TMEFF2: variants seen among roughly 807,000 people sequenced by gnomAD.
TMEFF2 encodes the protein transmembrane protein with EGF like and two follistatin like domains 2.
Under a neutral mutation model 53.8 loss-of-function variants are expected in TMEFF2, and 28 were observed. That is an observed-to-expected ratio of 0.52 (90% CI 0.39 to 0.71). TMEFF2 has a LOEUF of 0.71. Among genes scored for constraint, TMEFF2 ranks in the 30% least tolerant of loss-of-function variants. The pLI, the probability that TMEFF2 is intolerant of heterozygous loss-of-function variation, is 0.00. For synonymous variants in TMEFF2, 162 were observed against 166.3 expected, an observed-to-expected ratio of 0.97 and a Z score of 0.20; for missense variants, 353 against 455.2, an observed-to-expected ratio of 0.78 and a Z score of 2.04.
intron 4 of TMEFF2, among the ~76,000 whole-genome samples, chr2:192,105,204 A>G (rs934914749): frequency 6.6e-6 from 1 of 152,060 alleles, no homozygotes; most frequent in Non-Finnish European, 1.5e-5. Flanking sequence ...TGTTCATGAG[A>G]TAGAGAGGTT....
At chr2:192,161,480 T>C (rs1267248184) in intron 4 of TMEFF2, among the ~76,000 whole-genome samples, 1 of 152,080 alleles carries the variant, frequency 6.6e-6, no homozygotes, top group African/African-American at 2.4e-5. Flanking sequence ...TGCAAGAAAA[T>C]TGTATGACAT....
At chr2:191,982,400 C>T (rs1685874379) in intron 7 of TMEFF2, among the ~76,000 whole-genome samples, 1 of 151,100 alleles carries the variant, frequency 6.6e-6, no homozygotes, top group Non-Finnish European at 1.5e-5. Flanking sequence ...ACCAAGGGTG[C>T]ATTAAATCTC....
intron 7 of TMEFF2, among the ~76,000 whole-genome samples, chr2:191,997,930 T>C (rs4853487): frequency 0.7 from 106,801 of 151,698 alleles, 39,078 homozygotes; most frequent in East Asian, 0.91. Flanking sequence ...TTTGCATTTA[T>C]TATAATATAT....
At chr2:192,061,975 C>T (rs2105907530) in intron 4 of TMEFF2, among the ~76,000 whole-genome samples, 1 of 152,274 alleles carries the variant, frequency 6.6e-6, no homozygotes, top group East Asian at 1.9e-4. Context: ...TCTCATACAG[C>T]CTGGAGAACC....
At chr2:191,984,198 AATTTCCTTTT>A (rs1447040043) in intron 7 of TMEFF2, among the ~76,000 whole-genome samples, 1 of 152,140 alleles carries the variant, frequency 6.6e-6, no homozygotes, top group African/African-American at 2.4e-5. Context: ...TAAAAAAATG[AATTTCCTTTT>A]TATACAAGGG....
At chr2:192,176,260 T>A (rs1474884104) in intron 4 of TMEFF2, among the ~76,000 whole-genome samples, 4 of 151,438 alleles carry the variant, frequency 2.6e-5, no homozygotes, top group African/African-American at 9.7e-5. Context: ...ATCTTGAATT[T>A]TTTTTTGTCA....
chr2:192,186,302 C>T (rs1185266393), intron 2 of TMEFF2, among the ~76,000 whole-genome samples: 1 of 152,154 alleles, frequency 6.6e-6, no homozygotes, highest in Non-Finnish European at 1.5e-5. Context: ...CTGAGCATCT[C>T]CACTACCATC....
At chr2:192,156,879 A>G (rs1690518310) in intron 4 of TMEFF2, among the ~76,000 whole-genome samples, 2 of 152,048 alleles carry the variant, frequency 1.3e-5, no homozygotes, top group African/African-American at 2.4e-5. Context: ...TGTTCCTTTT[A>G]GAGATGAAGA....
chr2:192,078,685 ATATTC>A (rs1688487313), intron 4 of TMEFF2, among the ~76,000 whole-genome samples: 1 of 152,192 alleles, frequency 6.6e-6, no homozygotes, highest in African/African-American at 2.4e-5. Context: ...ATGAAAAACT[ATATTC>A]TATGTAGTGT....
intron 4 of TMEFF2, among the ~76,000 whole-genome samples, chr2:192,123,896 A>G (rs1026520421): frequency 1.3e-5 from 2 of 152,216 alleles, no homozygotes; most frequent in Non-Finnish European, 2.9e-5. Context: ...ATTTTGATTG[A>G]GCAGGATTAT....
At chr2:191,958,879 A>G (rs1244170381) in intron 7 of TMEFF2, among the ~76,000 whole-genome samples, 1 of 152,224 alleles carries the variant, frequency 6.6e-6, no homozygotes. Flanking sequence ...AGTCAATCCA[A>G]CCAAGTAAAT....
At chr2:192,088,725 C>T (rs562367562) in intron 4 of TMEFF2, among the ~76,000 whole-genome samples, 5 of 152,224 alleles carry the variant, frequency 3.3e-5, no homozygotes, top group South Asian at 4.1e-4. Flanking sequence ...TCATGCTATT[C>T]CTTTTGCCTA....
intron 4 of TMEFF2, among the ~76,000 whole-genome samples, chr2:192,129,845 G>C (rs558833082): frequency 6.6e-6 from 1 of 152,312 alleles, no homozygotes; most frequent in Non-Finnish European, 1.5e-5. Flanking sequence ...GTCATGCCAA[G>C]TCTTTGTTTT....
chr2:192,057,891 A>G (rs1050041117), intron 4 of TMEFF2, 116 bp from the exon 5 acceptor site: 4 of 769,436 alleles, frequency 5.2e-6, no homozygotes, highest in Non-Finnish European at 6.6e-6. Context: ...CTGCTATTGA[A>G]GCTTCATAAG....
At chr2:191,990,143 A>C (rs1207623067) in intron 7 of TMEFF2, among the ~76,000 whole-genome samples, 1 of 152,146 alleles carries the variant, frequency 6.6e-6, no homozygotes, top group Admixed American at 6.6e-5. Context: ...TTTTGATTAC[A>C]TCCAAGTTCA....
intron 4 of TMEFF2, among the ~76,000 whole-genome samples, chr2:192,153,479 G>A (rs1375521190): frequency 6.6e-6 from 1 of 151,726 alleles, no homozygotes; most frequent in African/African-American, 2.4e-5. Flanking sequence ...TTCACTGATG[G>A]CAGCCAATGA....
chr2:192,193,753 TAGATAGATAGAGAGAGAGA>T (rs1691522276), intron 1 of TMEFF2, among the ~76,000 whole-genome samples: 1 of 122,668 alleles, frequency 8.2e-6, no homozygotes, highest in Non-Finnish European at 1.7e-5. Context: ...GAGAGAGAGA[TAGATAGATAGAGAGAGAGA>T]GAGAGAGAGA....
chr2:192,149,981 A>G (rs750880490), intron 4 of TMEFF2, among the ~76,000 whole-genome samples: 1 of 151,964 alleles, frequency 6.6e-6, no homozygotes, highest in Non-Finnish European at 1.5e-5. Context: ...AAGGCCCATT[A>G]TACAGCAATT....
At chr2:192,038,309 C>T (rs1277595712) in intron 5 of TMEFF2, among the ~76,000 whole-genome samples, 1 of 152,118 alleles carries the variant, frequency 6.6e-6, no homozygotes, top group South Asian at 2.1e-4. Context: ...ACCTCAAGTT[C>T]ATCATCTTTA....
Sources: allele counts gnomAD v4.1 joint callset (sites outside exome capture counted in the v4.1 genomes callset), GRCh38; gene constraint gnomAD v4.1.1; transcripts MANE v1.5; gene names NCBI Gene and HGNC (gene_info 2026-07-23, HGNC 2026-07-21).